The following CEP63 variants were observed in gnomAD, a reference collection of about 807,000 sequenced individuals.
CEP63 encodes the protein centrosomal protein of 63 kDa.
A neutral mutation model predicts 89.1 loss-of-function variants in CEP63; 84 were observed. That is an observed-to-expected ratio of 0.94 (90% CI 0.79 to 1.13). The LOEUF (loss-of-function observed/expected upper bound fraction) is 1.13. Among genes scored for constraint, CEP63 ranks in the 50% most tolerant of loss-of-function variants. The pLI is 0.00. For synonymous variants in CEP63, 267 were observed against 272.5 expected (o/e 0.98, Z 0.20); for missense variants, 838 against 813.3 (o/e 1.03, Z -0.37).
chr3:134,494,927 CAT>C (rs1400402010), intron 1 of CEP63, among the ~76,000 whole-genome samples: 2 of 152,152 alleles, frequency 1.3e-5, no homozygotes, highest in African/African-American at 4.8e-5. Context: ...TTCCCTCTGA[CAT>C]GTGTGAACCC....
At chr3:134,647,641 C>A in the CEP63 span, 1 of 585,004 alleles carries the variant, frequency 1.7e-6, no homozygotes, top group South Asian at 2.3e-5. Context: ...ATAAGATGCC[C>A]TTGAGGGAAT....
At chr3:134,624,180 C>A in the CEP63 span, among the ~76,000 whole-genome samples, 1 of 152,184 alleles carries the variant, frequency 6.6e-6, no homozygotes, top group Non-Finnish European at 1.5e-5. Context: ...CTCTCCCCCA[C>A]CTCCCACCCA....
At chr3:134,696,757 T>C in the CEP63 span, among the ~76,000 whole-genome samples, 1 of 152,200 alleles carries the variant, frequency 6.6e-6, no homozygotes, top group East Asian at 1.9e-4. Context: ...AACATGTATA[T>C]TGCTTTTTTC....
At chr3:134,643,219 A>G in the CEP63 span, 2 of 1,173,126 alleles carry the variant, frequency 1.7e-6, no homozygotes, top group Non-Finnish European at 2.5e-6. Flanking sequence ...CCTGCTCCCC[A>G]TAGTCTGAGC....
At chr3:134,525,214 G>T (rs1334235518) in intron 3 of CEP63, among the ~76,000 whole-genome samples, 1 of 152,124 alleles carries the variant, frequency 6.6e-6, no homozygotes, top group Admixed American at 6.5e-5. Context: ...ATTTCTGTGG[G>T]GTTAGGGGTG....
chr3:134,681,097 C>T, the CEP63 span, among the ~76,000 whole-genome samples: 4 of 152,196 alleles, frequency 2.6e-5, no homozygotes, highest in Non-Finnish European at 5.9e-5. Flanking sequence ...GAGGGGCAGA[C>T]CCCTCACAGG....
At chr3:134,513,887 T>C (rs1444509030) in intron 3 of CEP63, among the ~76,000 whole-genome samples, 1 of 152,154 alleles carries the variant, frequency 6.6e-6, no homozygotes, top group African/African-American at 2.4e-5. Flanking sequence ...CAAATATAAA[T>C]TTTCTTCAAA....
chr3:134,688,788 T>C, the CEP63 span, among the ~76,000 whole-genome samples: 1 of 152,192 alleles, frequency 6.6e-6, no homozygotes, highest in Admixed American at 6.5e-5. Context: ...GCTGAGACCA[T>C]CATTTTGGCT....
chr3:134,567,267 T>TTGGGGTGGGAAA, downstream of CEP63, among the ~76,000 whole-genome samples: 1 of 150,732 alleles, frequency 6.6e-6, no homozygotes, highest in Non-Finnish European at 1.5e-5. Flanking sequence ...CGGCGGAAGG[T>TTGGGGTGGGAAA]TGGGGTGGGA....
the CEP63 span, among the ~76,000 whole-genome samples, chr3:134,770,369 T>C: frequency 6.6e-6 from 1 of 152,254 alleles, no homozygotes; most frequent in Non-Finnish European, 1.5e-5. Flanking sequence ...GTTATGCTTT[T>C]TCTAGGAAAA....
intron 12 of CEP63, among the ~76,000 whole-genome samples, chr3:134,554,022 C>A (rs1454859481): frequency 6.6e-6 from 1 of 152,110 alleles, no homozygotes; most frequent in East Asian, 1.9e-4. Context: ...CTTGCTCTAT[C>A]CTCAAATCCC....
At chr3:134,594,287 T>G in the CEP63 span, among the ~76,000 whole-genome samples, 1 of 152,160 alleles carries the variant, frequency 6.6e-6, no homozygotes, top group Non-Finnish European at 1.5e-5. Context: ...TCTTGTGTAC[T>G]CACAGTTGTG....
chr3:134,753,658 T>G, the CEP63 span, among the ~76,000 whole-genome samples: 1 of 152,238 alleles, frequency 6.6e-6, no homozygotes, highest in Non-Finnish European at 1.5e-5. Context: ...GGTCAGGCAC[T>G]AATCTCAGGC....
At chr3:134,561,256 G>C in intron 14 of CEP63, 121 bp from the exon 15 acceptor site, 2 of 1,056,892 alleles carry the variant, frequency 1.9e-6, no homozygotes, top group Non-Finnish European at 2.9e-6. Flanking sequence ...AACCAAAAAA[G>C]TATCTTCAGA....
intron 11 of CEP63, among the ~76,000 whole-genome samples, chr3:134,574,510 A>G (rs542576107): frequency 6.6e-6 from 1 of 152,344 alleles, no homozygotes; most frequent in East Asian, 1.9e-4. Context: ...TGCCTGCTCC[A>G]ACAAGAAATA....
the CEP63 span, among the ~76,000 whole-genome samples, chr3:134,616,662 A>C: frequency 6.6e-6 from 1 of 152,216 alleles, no homozygotes; most frequent in Non-Finnish European, 1.5e-5. Flanking sequence ...GGAGAGTTTT[A>C]ATGATAAGCT....
At chr3:134,627,633 C>T in the CEP63 span, 1 of 803,164 alleles carries the variant, frequency 1.2e-6, no homozygotes, top group Non-Finnish European at 2.1e-6. Context: ...CCCTCCTGAA[C>T]CCAAAGGTGG....
In CEP63 at chr3:134,545,592, C is replaced by A; in HGVS notation, c.562C>A (p.Leu188Ile). Residue 188 changes from leucine (L) to isoleucine (I), a missense_variant, in exon 7 of 15, where the codon CTT (leucine) becomes ATT (isoleucine). Physicochemically the swap from Leu to Ile is conservative, Grantham distance 5. Transcript: ENST00000675561. ...TGATAGTCTGTGTTTCTAGGCTCAG[C>A]TTGTCAATCGGAAACAGAAATTAGA... ...AEQSEIIQAQ[L>I]VNRKQKLESV... 1 of 1,612,596 alleles carries A rather than the reference C, an allele frequency of 6.2e-7. No homozygotes were observed. The highest frequency in any genetic ancestry group is 1.3e-5 in the African/African-American group (1 of 75,022).
intron 6 of CEP63, among the ~76,000 whole-genome samples, chr3:134,538,555 G>GTGTGTATATATATATATATATA (rs1951325857): frequency 2.4e-5 from 1 of 42,502 alleles, no homozygotes; most frequent in African/African-American, 6.5e-5. Flanking sequence ...ATATATATAT[G>GTGTGTATATATATATATATATA]TATATATATA....
Sources: allele counts gnomAD v4.1 joint callset (sites outside exome capture counted in the v4.1 genomes callset), GRCh38; gene constraint gnomAD v4.1.1; transcripts MANE v1.5; gene names NCBI Gene and HGNC (gene_info 2026-07-23, HGNC 2026-07-21).